The following DLGAP1 variants were observed in gnomAD, a reference collection of about 807,000 sequenced individuals.
The protein encoded by DLGAP1 is DLG associated protein 1, also known as disks large-associated protein 1.
Under a neutral mutation model 90.8 loss-of-function variants are expected in DLGAP1, and 11 were observed. The ratio of observed to expected loss-of-function variants is 0.12; its 90% CI spans 0.08 to 0.20. The LOEUF (loss-of-function observed/expected upper bound fraction) is 0.20, where lower values mean the gene tolerates loss of function less well. Ranked by LOEUF, DLGAP1 falls within the 10% of genes least tolerant of loss-of-function variation. The pLI, the probability that DLGAP1 is intolerant of heterozygous loss-of-function variation, is 1.00. For synonymous variants in DLGAP1, 558 were observed against 540.7 expected, an observed-to-expected ratio of 1.03 and a Z score of -0.44; for missense variants, 1,050 against 1,333.8, an observed-to-expected ratio of 0.79 and a Z score of 3.31.
At chr18:3,953,548 T>C (rs1054945916) in intron 3 of DLGAP1, among the ~76,000 whole-genome samples, 1 of 143,202 alleles carries the variant, frequency 7.0e-6, no homozygotes, top group Admixed American at 7.3e-5. Flanking sequence ...TATTCCATCA[T>C]ATATATGTAC....
At chr18:3,620,538 A>G (rs2146021032) in intron 7 of DLGAP1, among the ~76,000 whole-genome samples, 1 of 128,706 alleles carries the variant, frequency 7.8e-6, no homozygotes, top group South Asian at 3.1e-4. Flanking sequence ...AACAACTGCT[A>G]TCACATTTTA....
chr18:4,221,826 C>G (rs182093914), intron 1 of DLGAP1, among the ~76,000 whole-genome samples: 2 of 152,150 alleles, frequency 1.3e-5, no homozygotes, highest in South Asian at 2.1e-4. Flanking sequence ...GTTATCTCTT[C>G]GCATTTACAT....
At chr18:4,110,172 C>T (rs8088033) in intron 2 of DLGAP1, among the ~76,000 whole-genome samples, 77,649 of 152,042 alleles carry the variant, frequency 0.51, 21,401 homozygotes, top group African/African-American at 0.73. Flanking sequence ...CTAGACTATA[C>T]GGTATAGCAT....
rs190700160 is a variant in DLGAP1, at chr18:3,555,539, A to G, written c.2057+11951T>C. 9.4e-3 allele frequency among the ~76,000 whole-genome samples: 1,429 copies of G among 152,296 alleles called. 12 individuals carry two copies. Among genetic ancestry groups the G allele is most frequent in the Non-Finnish European group, 0.015 (1,013 of 68,018 alleles). On this transcript the variant is annotated intron_variant, in intron 9 of 12. Transcript: ENST00000315677. ...GGAAATGAAATTTGAGGCCGGGGGCAGTGGCTCACGTCTGTAATCCCAGCA... is the reference window on the plus strand; with the variant it reads ...GGAAATGAAATTTGAGGCCGGGGGCGGTGGCTCACGTCTGTAATCCCAGCA...
rs1364381154 is a variant in DLGAP1 at position 4,342,605 on chromosome 18, G to A, written c.-267+112401C>T. ...TCTTTCCAAGAATCTGGCTTAGGCT[G>A]AGATTACACAAAGAGGGAAATTAGC... On this transcript the variant is annotated intron_variant, in intron 1 of 12. Coordinates refer to ENST00000315677, the MANE Select transcript of DLGAP1 (RefSeq NM_004746.4). The surrounding 1 kb of genome is among the most constrained non-coding windows in gnomAD (Gnocchi z 5.8). Among the ~76,000 whole-genome samples the A allele has an allele frequency of 6.6e-6, 1 of 151,748 alleles. No individual in the cohort carries two copies. Among genetic ancestry groups the A allele is most frequent in the East Asian group, 2.0e-4 (1 of 5,106 alleles).
At chr18:3,599,819 A>G (rs1320051466) in intron 7 of DLGAP1, among the ~76,000 whole-genome samples, 1 of 151,850 alleles carries the variant, frequency 6.6e-6, no homozygotes, top group East Asian at 1.9e-4. Flanking sequence ...TAGTTTCACC[A>G]TGTGGGCCAG....
intron 2 of DLGAP1, among the ~76,000 whole-genome samples, chr18:4,106,219 C>G (rs1421018836): frequency 1.3e-5 from 2 of 152,074 alleles, no homozygotes; most frequent in African/African-American, 2.4e-5. Flanking sequence ...CAAAACAGCA[C>G]GTTCAGTGCC....
chr18:3,859,271 A>G (rs1158726278), intron 4 of DLGAP1, among the ~76,000 whole-genome samples: 1 of 152,218 alleles, frequency 6.6e-6, no homozygotes, highest in African/African-American at 2.4e-5. Flanking sequence ...CAGTGCATAT[A>G]TACAATGATC....
At chr18:3,599,681 G>A (rs1459187799) in intron 7 of DLGAP1, among the ~76,000 whole-genome samples, 2 of 152,064 alleles carry the variant, frequency 1.3e-5, no homozygotes, top group African/African-American at 4.8e-5. Flanking sequence ...GTGTAGTGGC[G>A]CGATCTCGGC....
chr18:3,673,957 C>G (rs2060195094), intron 7 of DLGAP1, among the ~76,000 whole-genome samples: 1 of 152,042 alleles, frequency 6.6e-6, no homozygotes, highest in South Asian at 2.1e-4. Context: ...ATTCTCCTGC[C>G]TCAGCTTCCC....
chr18:3,754,723 C>CAAAAAAA (rs1161245616), intron 5 of DLGAP1, among the ~76,000 whole-genome samples: 254 of 58,680 alleles, frequency 4.3e-3, no homozygotes, highest in East Asian at 7.3e-3. Context: ...TACTAAAATA[C>CAAAAAAA]AAAAAAAAAA....
intron 1 of DLGAP1, among the ~76,000 whole-genome samples, chr18:4,303,219 G>A (rs952682160): frequency 6.6e-6 from 1 of 152,132 alleles, no homozygotes; most frequent in Non-Finnish European, 1.5e-5. Context: ...AGAATGTGTG[G>A]CTTCTGTTAA....
chr18:4,217,240 T>C (rs1250535873), intron 1 of DLGAP1, among the ~76,000 whole-genome samples: 1 of 152,162 alleles, frequency 6.6e-6, no homozygotes, highest in Admixed American at 6.6e-5. Context: ...CATTGAATAA[T>C]ACTTCACTCT....
At chr18:4,235,387 G>C (rs532516812) in intron 1 of DLGAP1, among the ~76,000 whole-genome samples, 26 of 152,158 alleles carry the variant, frequency 1.7e-4, no homozygotes, top group Non-Finnish European at 2.9e-4. Context: ...GGGGCCAGAG[G>C]AGACATCGTG....
chr18:4,369,372 C>T (rs531978643), intron 1 of DLGAP1, among the ~76,000 whole-genome samples: 1 of 152,268 alleles, frequency 6.6e-6, no homozygotes, highest in South Asian at 2.1e-4. Flanking sequence ...TTGTCTCCTG[C>T]TGACAAGAGA....
intron 1 of DLGAP1, among the ~76,000 whole-genome samples, chr18:4,450,067 T>C (rs1423295119): frequency 6.6e-6 from 1 of 152,186 alleles, no homozygotes; most frequent in Non-Finnish European, 1.5e-5. Context: ...CGAAAATAGC[T>C]TTGAAGAGAG....
At chr18:4,404,935 T>C (rs1412427863) in intron 1 of DLGAP1, among the ~76,000 whole-genome samples, 1 of 152,114 alleles carries the variant, frequency 6.6e-6, no homozygotes, top group African/African-American at 2.4e-5. Context: ...ATGCTAAAAA[T>C]AGAAGCAACT....
chr18:3,619,326 C>G (rs1452906026), intron 7 of DLGAP1, among the ~76,000 whole-genome samples: 1 of 152,180 alleles, frequency 6.6e-6, no homozygotes, highest in Non-Finnish European at 1.5e-5. Context: ...AGCCTTTTAG[C>G]GCAGTTTCTC....
intron 7 of DLGAP1, among the ~76,000 whole-genome samples, chr18:3,677,184 T>C (rs542538737): frequency 6.6e-6 from 1 of 152,292 alleles, no homozygotes; most frequent in East Asian, 1.9e-4. Context: ...CAACCACCAG[T>C]TGAGGAATTG....
Sources: allele counts gnomAD v4.1 joint callset (sites outside exome capture counted in the v4.1 genomes callset), GRCh38; gene constraint gnomAD v4.1.1; non-coding constraint Gnocchi (gnomAD v3.1); transcripts MANE v1.5; gene names NCBI Gene and HGNC (gene_info 2026-07-23, HGNC 2026-07-21).